Variants in PSD3 observed in about 807,000 individuals in gnomAD.
PSD3 encodes the protein pleckstrin and Sec7 domain containing 3.
In PSD3, 49 loss-of-function variants were observed where a neutral mutation model predicts 105.5. The observed-to-expected ratio is 0.46, with a 90% confidence interval of 0.37 to 0.59. The LOEUF is 0.59. Ranked by LOEUF, PSD3 falls within the 20% of genes least tolerant of loss-of-function variation. PSD3 has a pLI of 0.00. For missense variants in PSD3, 1,561 were observed against 1,263.8 expected (o/e 1.24, Z -3.57); for synonymous variants, 557 against 457.8 (o/e 1.22, Z -2.77).
chr8:18,774,900 G>A (rs1231024200), intron 8 of PSD3: 1 of 456,194 alleles, frequency 2.2e-6, no homozygotes, highest in Admixed American at 2.3e-5. Context: ...CAAAGATCCT[G>A]AGCCTTAATC....
chr8:19,024,264 G>T (rs577148566), intron 1 of PSD3, among the ~76,000 whole-genome samples: 137 of 152,050 alleles, frequency 9.0e-4, no homozygotes, highest in African/African-American at 3.2e-3. Context: ...GTTATTTCAC[G>T]TATAACCTGT....
chr8:18,585,532 G>T (rs1035324029), intron 12 of PSD3, among the ~76,000 whole-genome samples: 5 of 152,050 alleles, frequency 3.3e-5, no homozygotes, highest in African/African-American at 1.2e-4. Context: ...TGCCCAGGCT[G>T]GTCTTGAACC....
At chr8:19,057,861 A>T (rs62495951) in intron 1 of PSD3, among the ~76,000 whole-genome samples, 2 of 152,154 alleles carry the variant, frequency 1.3e-5, no homozygotes, top group Non-Finnish European at 2.9e-5. Context: ...TGACAGGGCC[A>T]CTCTAGAAAA....
intron 9 of PSD3, among the ~76,000 whole-genome samples, chr8:18,703,371 TG>T (rs2129417935): frequency 6.6e-6 from 1 of 152,300 alleles, no homozygotes; most frequent in South Asian, 2.1e-4. Context: ...CTTAAAGGTA[TG>T]AAAAGGTGCT....
intron 3 of PSD3, among the ~76,000 whole-genome samples, chr8:18,870,573 T>A (rs890509536): frequency 1.3e-5 from 2 of 151,788 alleles, no homozygotes; most frequent in South Asian, 4.2e-4. Context: ...GAGAAATACC[T>A]AATGTAGATG....
chr8:18,604,688 G>A (rs538908069), intron 11 of PSD3, among the ~76,000 whole-genome samples: 3 of 152,276 alleles, frequency 2.0e-5, no homozygotes, highest in African/African-American at 7.2e-5. Context: ...AGCCCCTCTC[G>A]AGGCCTAGGA....
intron 15 of PSD3, among the ~76,000 whole-genome samples, chr8:18,544,041 C>T (rs972517206): frequency 1.3e-5 from 2 of 152,072 alleles, no homozygotes; most frequent in African/African-American, 4.8e-5. Context: ...ATCCTCCTTA[C>T]ATTTCGTTTT....
At chr8:18,926,115 T>G (rs1272646209) in intron 2 of PSD3, among the ~76,000 whole-genome samples, 2 of 151,486 alleles carry the variant, frequency 1.3e-5, no homozygotes, top group Admixed American at 6.6e-5. Flanking sequence ...GTATGTTGTT[T>G]TTTTTTTTTA....
At chr8:18,577,425 C>T (rs112925959) in intron 12 of PSD3, among the ~76,000 whole-genome samples, 291 of 151,922 alleles carry the variant, frequency 1.9e-3, no homozygotes, top group African/African-American at 6.8e-3. Flanking sequence ...GTTCCTCTGC[C>T]CTTACATCAT....
chr8:19,065,036 A>G (rs1434126408), intron 1 of PSD3, among the ~76,000 whole-genome samples: 2 of 152,214 alleles, frequency 1.3e-5, no homozygotes, highest in African/African-American at 2.4e-5. Context: ...CAAAAAAACC[A>G]GGAGATTCAC....
At chr8:18,876,196 G>C (rs1817726690) in intron 2 of PSD3, among the ~76,000 whole-genome samples, 1 of 152,070 alleles carries the variant, frequency 6.6e-6, no homozygotes, top group South Asian at 2.1e-4. Flanking sequence ...CAAGTAGCTG[G>C]ACTACAGGTA....
In PSD3 at chr8:18,868,428, T is replaced by A. The variant is rs111388883; in HGVS notation, c.1239-359A>T. On this transcript the variant is annotated intron_variant, in intron 3 of 15. Coordinates refer to ENST00000327040, the MANE Select transcript of PSD3 (RefSeq NM_015310.4). ...CATTCCTAATTATAACAGAAGCAGA[T>A]AAATATATCATGGAAACTTGATACG... 4.1e-3 allele frequency among the ~76,000 whole-genome samples: 626 copies of A among 152,244 alleles called. 8 individuals are homozygous for A. Among genetic ancestry groups the A allele is most frequent in the African/African-American group, 0.015 (615 of 41,540 alleles).
At chr8:18,648,354 A>C (rs570387218) in intron 10 of PSD3, among the ~76,000 whole-genome samples, 2 of 152,332 alleles carry the variant, frequency 1.3e-5, no homozygotes, top group East Asian at 3.9e-4. Flanking sequence ...GAACTAAAGC[A>C]AAGGTTATGT....
At position 18,664,871 on chromosome 8, in the gene PSD3, A is replaced by G. The variant is rs549993368; in HGVS notation, c.2173-9186T>C. Among the ~76,000 whole-genome samples the G allele has an allele frequency of 8.5e-5, 13 of 152,312 alleles. 1 individual carries two copies. In the South Asian group the frequency reaches 2.7e-3, roughly 32 times the overall value. On this transcript the variant is annotated intron_variant, in intron 9 of 15. Transcript: ENST00000327040. ...GGCCCTTACTCTGCCTTTGCTCTTT[A>G]AGTGTAACAACAAAGCCAGGATGGC... is the stretch of plus-strand genomic sequence containing the variant.
intron 4 of PSD3, among the ~76,000 whole-genome samples, chr8:18,846,014 T>G (rs1221962565): frequency 6.6e-6 from 1 of 152,038 alleles, no homozygotes. Flanking sequence ...TCTCTGGGAG[T>G]GACTAGACTG....
In PSD3 at chr8:18,528,258, T is replaced by A. The variant is rs1799504472; in HGVS notation, c.*7485A>T. 1 of 152,332 alleles carries A rather than the reference T, an allele frequency of 6.6e-6. No homozygotes were observed. The highest frequency in any genetic ancestry group is 2.1e-4 in the South Asian group (1 of 4,824). The allele number at this position is 152,332 out of a possible 1,614,324, so 9.4% of individuals were successfully genotyped here. A position where few individuals can be genotyped will look rare whatever the true frequency, so the allele number is the denominator to read the frequency against. ...AGCTGCTAAGCTAGCACTTGAGTAT[T>A]CCTCGACCCTTCCCCTAGAAAGGAA... On this transcript the variant is annotated 3_prime_UTR_variant, in exon 16 of 16. Transcript: ENST00000327040.
At chr8:18,846,628 C>G (rs998664575) in intron 4 of PSD3, among the ~76,000 whole-genome samples, 1 of 152,122 alleles carries the variant, frequency 6.6e-6, no homozygotes, top group African/African-American at 2.4e-5. Context: ...AAGTAACAAT[C>G]AACTTTCAAA....
intron 11 of PSD3, among the ~76,000 whole-genome samples, chr8:18,622,219 A>C (rs1372507399): frequency 6.6e-6 from 1 of 152,240 alleles, no homozygotes; most frequent in African/African-American, 2.4e-5. Flanking sequence ...AGAATCTATA[A>C]AAGAATGTGA....
intron 4 of PSD3, among the ~76,000 whole-genome samples, chr8:18,857,339 T>G (rs2129454059): frequency 6.6e-6 from 1 of 152,204 alleles, no homozygotes; most frequent in Admixed American, 6.5e-5. Context: ...AAATGCAAAT[T>G]TTGCTCGAGC....
Sources: allele counts gnomAD v4.1 joint callset (sites outside exome capture counted in the v4.1 genomes callset), GRCh38; gene constraint gnomAD v4.1.1; transcripts MANE v1.5; gene names NCBI Gene and HGNC (gene_info 2026-07-23, HGNC 2026-07-21).